MALRD1: variants seen among roughly 807,000 people sequenced by gnomAD.
MALRD1 encodes MAM and LDL receptor class A domain containing 1, also known as MAM and LDL-receptor class A domain-containing protein 1.
A neutral mutation model predicts 242.1 loss-of-function variants in MALRD1; 247 were observed. The observed-to-expected ratio is 1.02, with a 90% confidence interval of 0.92 to 1.13. MALRD1 has a LOEUF of 1.13. Among genes scored for constraint, MALRD1 ranks in the 50% most tolerant of loss-of-function variants. The pLI, the probability that MALRD1 is intolerant of heterozygous loss-of-function variation, is 0.00. For synonymous variants in MALRD1, 995 were observed against 866.6 expected, an observed-to-expected ratio of 1.15 and a Z score of -2.60; for missense variants, 2,989 against 2,533.1, an observed-to-expected ratio of 1.18 and a Z score of -3.86.
intron 38 of MALRD1, among the ~76,000 whole-genome samples, chr10:19,719,239 T>TACACATAC (rs1392517480): frequency 1.7e-5 from 2 of 117,338 alleles, no homozygotes; most frequent in Non-Finnish European, 3.3e-5. Flanking sequence ...TATATATATA[T>TACACATAC]ATATATATAT....
chr10:19,270,324 T>C (rs1840157295), intron 19 of MALRD1, among the ~76,000 whole-genome samples: 1 of 74,094 alleles, frequency 1.3e-5, no homozygotes, highest in Non-Finnish European at 2.5e-5. Context: ...CTCTTCTCTC[T>C]CTCTCTCTCT....
chr10:19,489,498 T>C (rs1175668242), intron 29 of MALRD1: 18 of 544,088 alleles, frequency 3.3e-5, no homozygotes, highest in South Asian at 3.0e-5. Context: ...GCAAGTTGTT[T>C]AGTAGCAGCT....
At chr10:19,718,031 A>AAT (rs1834478717) in intron 38 of MALRD1, among the ~76,000 whole-genome samples, 1 of 119,720 alleles carries the variant, frequency 8.4e-6, no homozygotes, top group Non-Finnish European at 1.6e-5. Flanking sequence ...TAAATAAATA[A>AAT]AGAGGAAGAA....
intron 13 of MALRD1, among the ~76,000 whole-genome samples, chr10:19,172,376 A>G (rs920136148): frequency 3.3e-5 from 5 of 151,726 alleles, no homozygotes; most frequent in African/African-American, 1.2e-4. Context: ...TTAATGGTAG[A>G]ATTACAATTT....
At chr10:19,271,440 G>T (rs1411118487) in intron 19 of MALRD1, among the ~76,000 whole-genome samples, 1 of 152,180 alleles carries the variant, frequency 6.6e-6, no homozygotes, top group African/African-American at 2.4e-5. Context: ...CCTCCCTGAT[G>T]TTTACTATAT....
intron 38 of MALRD1, among the ~76,000 whole-genome samples, chr10:19,714,654 G>A (rs568527686): frequency 1.3e-5 from 2 of 152,092 alleles, no homozygotes; most frequent in East Asian, 1.9e-4. Flanking sequence ...CCCCCTCCCC[G>A]TATCAATGTG....
intron 38 of MALRD1, among the ~76,000 whole-genome samples, chr10:19,710,001 T>C (rs1834033804): frequency 6.6e-6 from 1 of 152,060 alleles, no homozygotes; most frequent in Non-Finnish European, 1.5e-5. Context: ...AATCAGAACC[T>C]GAGGGAGAAG....
intron 5 of MALRD1, among the ~76,000 whole-genome samples, chr10:19,108,387 CTTTT>C (rs35948766): frequency 5.1e-5 from 1 of 19,764 alleles, no homozygotes; most frequent in Non-Finnish European, 8.0e-5. Context: ...ATTGTTTTTT[CTTTT>C]TTTTTTTTTT....
intron 29 of MALRD1, among the ~76,000 whole-genome samples, chr10:19,464,508 T>C (rs1836123120): frequency 6.6e-6 from 1 of 152,178 alleles, no homozygotes; most frequent in African/African-American, 2.4e-5. Flanking sequence ...TTGTCAAAGA[T>C]CAGTTGGCTG....
chr10:19,138,062 T>C (rs79837833), intron 10 of MALRD1, among the ~76,000 whole-genome samples: 4,083 of 152,316 alleles, frequency 0.027, 82 homozygotes, highest in Middle Eastern at 0.058. Context: ...GCTTGGATTT[T>C]ATTAAGAGCA....
At chr10:19,302,782 T>G (rs546110664) in intron 21 of MALRD1, among the ~76,000 whole-genome samples, 31 of 151,744 alleles carry the variant, frequency 2.0e-4, no homozygotes, top group Non-Finnish European at 4.1e-4. Flanking sequence ...TCAAGGCTAA[T>G]TTTTTGAAAA....
intron 28 of MALRD1, among the ~76,000 whole-genome samples, chr10:19,394,861 T>A (rs900946611): frequency 6.6e-6 from 1 of 152,236 alleles, no homozygotes; most frequent in Non-Finnish European, 1.5e-5. Context: ...CAGACAGGTT[T>A]TCAAAGTTAG....
chr10:19,217,512 A>G (rs925474591), intron 18 of MALRD1, among the ~76,000 whole-genome samples: 1 of 148,150 alleles, frequency 6.7e-6, no homozygotes, highest in African/African-American at 2.5e-5. Context: ...CCCTTTGTAG[A>G]TATACATTTA....
intron 18 of MALRD1, among the ~76,000 whole-genome samples, chr10:19,247,264 A>G (rs1177859196): frequency 1.3e-5 from 2 of 152,114 alleles, no homozygotes; most frequent in Admixed American, 6.6e-5. Context: ...GCCTTAAGAA[A>G]TTAATGACCC....
intron 13 of MALRD1, among the ~76,000 whole-genome samples, chr10:19,166,951 A>G (rs1834709845): frequency 6.6e-6 from 1 of 152,206 alleles, no homozygotes; most frequent in Non-Finnish European, 1.5e-5. Flanking sequence ...TTGTGCATCA[A>G]ATTTCCTAAT....
chr10:19,701,923 G>A (rs1026959442), intron 38 of MALRD1, among the ~76,000 whole-genome samples: 1 of 151,546 alleles, frequency 6.6e-6, no homozygotes, highest in Non-Finnish European at 1.5e-5. Flanking sequence ...GATTGTGCTA[G>A]GACATATTTT....
At chr10:19,672,427 T>TA (rs1036346352) in intron 36 of MALRD1, among the ~76,000 whole-genome samples, 5 of 150,682 alleles carry the variant, frequency 3.3e-5, no homozygotes, top group African/African-American at 1.2e-4. Context: ...TTTTTTTTTT[T>TA]TTGTATTTTG....
At chr10:19,414,984 A>T (rs186825045) in intron 28 of MALRD1, among the ~76,000 whole-genome samples, 241 of 152,286 alleles carry the variant, frequency 1.6e-3, no homozygotes, top group African/African-American at 5.2e-3. Context: ...ACTTGAACTC[A>T]TAACACTTTT....
chr10:19,070,609 A>C (rs948037542), intron 2 of MALRD1, among the ~76,000 whole-genome samples: 1 of 152,028 alleles, frequency 6.6e-6, no homozygotes, highest in Non-Finnish European at 1.5e-5. Context: ...ATTGTGCATA[A>C]TTACAATGGG....
Sources: allele counts gnomAD v4.1 joint callset (sites outside exome capture counted in the v4.1 genomes callset), GRCh38; gene constraint gnomAD v4.1.1; transcripts MANE v1.5; gene names NCBI Gene and HGNC (gene_info 2026-07-23, HGNC 2026-07-21).